CTNNA2: variants seen among roughly 807,000 people sequenced by gnomAD.
CTNNA2 encodes the protein catenin alpha-2.
Under a neutral mutation model 101.0 loss-of-function variants are expected in CTNNA2, and 42 were observed. The ratio of observed to expected loss-of-function variants is 0.42; its 90% CI spans 0.32 to 0.54. CTNNA2 has a LOEUF of 0.54. Among genes scored for constraint, CTNNA2 ranks in the 20% least tolerant of loss-of-function variants. The pLI is 0.14. For missense variants in CTNNA2, 871 were observed against 1,223.1 expected (o/e 0.71, Z 4.29); for synonymous variants, 450 against 456.4 (o/e 0.99, Z 0.18).
chr2:79,640,917 T>A (rs575609622), intron 1 of CTNNA2, among the ~76,000 whole-genome samples: 1 of 152,296 alleles, frequency 6.6e-6, no homozygotes, highest in Admixed American at 6.5e-5. Flanking sequence ...TAAGATCTTC[T>A]GTTACTGACT....
chr2:79,862,311 G>A (rs1352304524), intron 4 of CTNNA2, among the ~76,000 whole-genome samples: 1 of 152,042 alleles, frequency 6.6e-6, no homozygotes, highest in African/African-American at 2.4e-5. Context: ...ATATAGTGCT[G>A]CTGTTCTAAT....
intron 4 of CTNNA2, among the ~76,000 whole-genome samples, chr2:79,433,906 A>G (rs1678682785): frequency 6.6e-6 from 1 of 152,152 alleles, no homozygotes; most frequent in South Asian, 2.1e-4. Flanking sequence ...TTGTTGAAAA[A>G]TGAATGATTG....
intron 18 of CTNNA2, among the ~76,000 whole-genome samples, chr2:80,634,478 T>C (rs771853275): frequency 1.6e-4 from 24 of 152,102 alleles, no homozygotes; most frequent in Admixed American, 2.6e-4. Context: ...ATTTAGGAAT[T>C]GAGTTAATGA....
At chr2:79,247,149 G>C (rs979477378) in intron 2 of CTNNA2, among the ~76,000 whole-genome samples, 2 of 152,184 alleles carry the variant, frequency 1.3e-5, no homozygotes, top group Non-Finnish European at 2.9e-5. Context: ...TAGACAAGGA[G>C]TCGTAAGACC....
At chr2:79,823,004 A>AT (rs944871291) in intron 3 of CTNNA2, among the ~76,000 whole-genome samples, 14 of 152,134 alleles carry the variant, frequency 9.2e-5, no homozygotes, top group African/African-American at 3.4e-4. Context: ...GCCAGATACA[A>AT]TTTTTTTCTC....
intron 9 of CTNNA2, among the ~76,000 whole-genome samples, chr2:80,455,232 T>C (rs1683862534): frequency 6.6e-6 from 1 of 152,214 alleles, no homozygotes; most frequent in Non-Finnish European, 1.5e-5. Context: ...TCAGTAGGCC[T>C]ATGTCAAGAA....
At chr2:79,899,884 G>A (rs893827582) in intron 6 of CTNNA2, among the ~76,000 whole-genome samples, 19 of 152,056 alleles carry the variant, frequency 1.2e-4, no homozygotes, top group African/African-American at 4.1e-4. Context: ...CCCCAATTAC[G>A]TCAAGAGAAA....
At chr2:80,518,368 G>A (rs889023287) in intron 9 of CTNNA2, among the ~76,000 whole-genome samples, 1 of 152,070 alleles carries the variant, frequency 6.6e-6, no homozygotes, top group African/African-American at 2.4e-5. Context: ...ACAGATTTTG[G>A]TTATTACACT....
At chr2:79,235,835 A>G (rs1237558408) in intron 2 of CTNNA2, among the ~76,000 whole-genome samples, 1 of 152,170 alleles carries the variant, frequency 6.6e-6, no homozygotes, top group Non-Finnish European at 1.5e-5. Flanking sequence ...GCTGGGCTGG[A>G]AGCTCTAGCA....
At chr2:79,477,588 C>T (rs552663275) in intron 4 of CTNNA2, among the ~76,000 whole-genome samples, 1 of 152,290 alleles carries the variant, frequency 6.6e-6, no homozygotes, top group East Asian at 1.9e-4. Context: ...ACATGTTCTG[C>T]CTATTTGCAT....
intron 7 of CTNNA2, among the ~76,000 whole-genome samples, chr2:79,950,724 G>T (rs1489152510): frequency 6.6e-6 from 1 of 152,316 alleles, no homozygotes; most frequent in East Asian, 1.9e-4. Context: ...AAATAGTGTA[G>T]CAGGCACTCG....
chr2:79,434,163 T>C (rs1427646390), intron 4 of CTNNA2, among the ~76,000 whole-genome samples: 5 of 151,378 alleles, frequency 3.3e-5, no homozygotes, highest in Non-Finnish European at 5.9e-5. Flanking sequence ...TCCTGCAGGG[T>C]GGTGCATTCC....
intron 9 of CTNNA2, among the ~76,000 whole-genome samples, chr2:80,475,259 G>A (rs537540485): frequency 6.6e-6 from 1 of 152,230 alleles, no homozygotes; most frequent in African/African-American, 2.4e-5. Flanking sequence ...TGTATGTTGA[G>A]TTAACAAGGA....
intron 2 of CTNNA2, among the ~76,000 whole-genome samples, chr2:79,721,212 A>G (rs187678779): frequency 1.3e-5 from 2 of 152,278 alleles, no homozygotes; most frequent in East Asian, 1.9e-4. Context: ...TTGCTATAAC[A>G]GAGTATCACA....
intron 2 of CTNNA2, among the ~76,000 whole-genome samples, chr2:79,244,612 G>T (rs1177771394): frequency 6.6e-6 from 1 of 152,174 alleles, no homozygotes; most frequent in African/African-American, 2.4e-5. Flanking sequence ...CAGGGTTCAT[G>T]CAAACCCATC....
intron 4 of CTNNA2, among the ~76,000 whole-genome samples, chr2:79,462,504 A>C (rs978836387): frequency 1.3e-5 from 2 of 152,174 alleles, no homozygotes; most frequent in Non-Finnish European, 2.9e-5. Context: ...TTAAGTGACT[A>C]TCTTTTGGCA....
At chr2:79,225,431 C>T (rs1674395553) in intron 2 of CTNNA2, among the ~76,000 whole-genome samples, 2 of 152,222 alleles carry the variant, frequency 1.3e-5, no homozygotes, top group South Asian at 4.1e-4. Flanking sequence ...TAGTATATAA[C>T]ATCTAAAAAT....
intron 7 of CTNNA2, among the ~76,000 whole-genome samples, chr2:79,972,941 C>T (rs1048139975): frequency 1.3e-4 from 20 of 152,030 alleles, no homozygotes; most frequent in African/African-American, 4.3e-4. Flanking sequence ...GGCATGGTAA[C>T]GTGACAAGAG....
chr2:79,900,480 T>A (rs1360327883), intron 6 of CTNNA2, among the ~76,000 whole-genome samples: 1 of 152,172 alleles, frequency 6.6e-6, no homozygotes, highest in East Asian at 1.9e-4. Context: ...TGGTAATGGG[T>A]CAACACAGCA....
Sources: gnomAD v4.1 joint callset for allele counts (sites outside exome capture counted in the v4.1 genomes callset) on GRCh38, gnomAD v4.1.1 for gene constraint, MANE v1.5 for transcripts, NCBI Gene and HGNC (gene_info 2026-07-23, HGNC 2026-07-21) for gene names.